Variants in DACH1 observed in about 807,000 individuals in gnomAD.
DACH1 encodes dachshund homolog 1.
Under a neutral mutation model 54.2 loss-of-function variants are expected in DACH1, and 12 were observed. The observed-to-expected ratio is 0.22, with a 90% CI of 0.14 to 0.36. The LOEUF is 0.36. DACH1 is among the 10% of genes least tolerant of loss of function. The pLI, the probability that DACH1 is intolerant of heterozygous loss-of-function variation, is 1.00. For missense variants in DACH1, 805 were observed against 929.8 expected, an observed-to-expected ratio of 0.87 and a Z score of 1.75; for synonymous variants, 386 against 366.2, an observed-to-expected ratio of 1.05 and a Z score of -0.62.
At chr13:71,865,578 C>CGGGGCAG (rs1450293133) in intron 1 of DACH1, among the ~76,000 whole-genome samples, 1 of 152,154 alleles carries the variant, frequency 6.6e-6, no homozygotes, top group East Asian at 1.9e-4. Flanking sequence ...CCCGCGCGCC[C>CGGGGCAG]GGGGCAGGGG....
At chr13:71,518,259 A>G (rs2138273863) in intron 6 of DACH1, among the ~76,000 whole-genome samples, 2 of 151,920 alleles carry the variant, frequency 1.3e-5, no homozygotes, top group East Asian at 2.0e-4. Context: ...AGGAAAAGGC[A>G]TCATGGAGGT....
chr13:71,737,208 A>C (rs1413950999), intron 1 of DACH1, among the ~76,000 whole-genome samples: 1 of 152,030 alleles, frequency 6.6e-6, no homozygotes, highest in African/African-American at 2.4e-5. Context: ...GGGCGACAGA[A>C]CAAGACTCCG....
chr13:71,645,658 G>A (rs373012069), intron 2 of DACH1, among the ~76,000 whole-genome samples: 2 of 152,244 alleles, frequency 1.3e-5, no homozygotes, highest in South Asian at 2.1e-4. Flanking sequence ...CAGTAACTCC[G>A]ACTAGTGTTT....
At chr13:71,581,862 C>G (rs1872877577) in intron 3 of DACH1, among the ~76,000 whole-genome samples, 1 of 151,500 alleles carries the variant, frequency 6.6e-6, no homozygotes, top group African/African-American at 2.4e-5. Context: ...TTTTTATCAC[C>G]CATATAAAGA....
At chr13:71,857,580 T>C (rs1874084541) in intron 1 of DACH1, among the ~76,000 whole-genome samples, 1 of 151,694 alleles carries the variant, frequency 6.6e-6, no homozygotes, top group African/African-American at 2.4e-5. Flanking sequence ...CTAATACATA[T>C]AAAAAATATC....
chr13:71,866,470 ACCGCCG>A lies in DACH1; in HGVS notation c.294_299del (p.Gly100_Gly101del). On this transcript the variant is annotated inframe_deletion, in exon 1 of 11. Transcript: ENST00000613252. ...CCAGGTTGGGGTTGCAGTTGCTGCCACCGCCGCCGCCGCCACCGCCGCCTCCGTTGC... is the reference window on the plus strand; with the variant it reads ...CCAGGTTGGGGTTGCAGTTGCTGCCACCGCCGCCACCGCCGCCTCCGTTGC... The A allele has an allele frequency of 8.0e-7, 1 of 1,256,882 alleles. No homozygotes were observed. Among genetic ancestry groups the A allele is most frequent in the East Asian group, 3.3e-5 (1 of 30,356 alleles). The allele number at this position is 1,256,882 out of a possible 1,614,324, so 77.9% of individuals were successfully genotyped here. A position where few individuals can be genotyped will look rare whatever the true frequency, so the allele number is the denominator to read the frequency against.
intron 1 of DACH1, among the ~76,000 whole-genome samples, chr13:71,841,417 T>C (rs1872835295): frequency 1.3e-5 from 2 of 152,168 alleles, no homozygotes; most frequent in Admixed American, 1.3e-4. Flanking sequence ...TATTTTCTAA[T>C]AAGGAATAAA....
rs555578536 is a variant in DACH1 at position 71,589,077 on chromosome 13, C to A, written c.1127-16065G>T. On this transcript the variant is annotated intron_variant, in intron 3 of 10. Transcript: ENST00000613252. ...GAAGGCTGCCTTCTCTGCACTCATACGAACCACTAACTGGTTATGACAATT... is the reference window on the plus strand; with the variant it reads ...GAAGGCTGCCTTCTCTGCACTCATAAGAACCACTAACTGGTTATGACAATT... Among the ~76,000 whole-genome samples, 82 of 152,054 alleles carry A rather than the reference C, an allele frequency of 5.4e-4. 1 individual carries two copies. In the South Asian group the frequency reaches 0.017, roughly 31 times the overall value.
intron 2 of DACH1, among the ~76,000 whole-genome samples, chr13:71,676,927 A>G (rs977999186): frequency 1.3e-5 from 2 of 152,230 alleles, no homozygotes; most frequent in Non-Finnish European, 2.9e-5. Context: ...AAAACTACAA[A>G]TCATTCATTC....
intron 6 of DACH1, among the ~76,000 whole-genome samples, chr13:71,532,068 G>A (rs1268945844): frequency 6.6e-6 from 1 of 151,834 alleles, no homozygotes; most frequent in African/African-American, 2.4e-5. Flanking sequence ...CAGAATATAA[G>A]CTAATGATAT....
intron 1 of DACH1, among the ~76,000 whole-genome samples, chr13:71,823,870 T>C (rs1393673202): frequency 3.3e-5 from 5 of 152,018 alleles, no homozygotes; most frequent in African/African-American, 4.8e-5. Context: ...TGCATAATTA[T>C]TGAAATACAC....
intron 1 of DACH1, among the ~76,000 whole-genome samples, chr13:71,708,126 A>T (rs1038600542): frequency 1.3e-5 from 2 of 152,010 alleles, no homozygotes; most frequent in Non-Finnish European, 2.9e-5. Flanking sequence ...ATGAAAAAAA[A>T]AAAAAGTAAA....
intron 1 of DACH1, among the ~76,000 whole-genome samples, chr13:71,848,450 A>C (rs1197450039): frequency 6.6e-6 from 1 of 152,222 alleles, no homozygotes; most frequent in Non-Finnish European, 1.5e-5. Context: ...TGTGATAGCA[A>C]GAACAAAAAT....
Position 71,461,617 on chromosome 13 carries a change from T to C in DACH1, c.2083+13524A>G, listed in dbSNP as rs540802293. ...TTGGCTGGCACTCATTACTATCTAT[T>C]GGGTTTAGAAGAGGAAAGTGCTTTC... On this transcript the variant is annotated intron_variant, in intron 10 of 10. Coordinates refer to ENST00000613252, the MANE Select transcript of DACH1 (RefSeq NM_080759.6). 1.1e-4 allele frequency among the ~76,000 whole-genome samples: 17 copies of C among 152,064 alleles called. No homozygotes were observed. The East Asian group carries it at 3.3e-3, about 29-fold the overall frequency.
chr13:71,632,323 TC>T (rs1407372691), intron 2 of DACH1, among the ~76,000 whole-genome samples: 1 of 151,856 alleles, frequency 6.6e-6, no homozygotes, highest in Admixed American at 6.6e-5. Flanking sequence ...ACATCCCTCA[TC>T]TGCAAAATGA....
intron 1 of DACH1, among the ~76,000 whole-genome samples, chr13:71,703,551 G>T (rs1330480575): frequency 6.6e-6 from 1 of 152,234 alleles, no homozygotes; most frequent in East Asian, 1.9e-4. Flanking sequence ...GACTGCACAA[G>T]ATGCGTCATA....
At chr13:71,773,406 G>T (rs1313979230) in intron 1 of DACH1, among the ~76,000 whole-genome samples, 1 of 151,852 alleles carries the variant, frequency 6.6e-6, no homozygotes, top group African/African-American at 2.4e-5. Context: ...ATTGTCTTTA[G>T]ATATAAATAT....
At chr13:71,575,938 G>A (rs1451507276) in intron 3 of DACH1, among the ~76,000 whole-genome samples, 2 of 151,980 alleles carry the variant, frequency 1.3e-5, no homozygotes, top group African/African-American at 2.4e-5. Context: ...TCCTCTATTA[G>A]CATGAATAAA....
At chr13:71,649,895 C>T (rs1249113827) in intron 2 of DACH1, among the ~76,000 whole-genome samples, 1 of 152,150 alleles carries the variant, frequency 6.6e-6, no homozygotes, top group Non-Finnish European at 1.5e-5. Context: ...TTATCCAGTG[C>T]AGACATAAGA....
Sources: gnomAD v4.1 joint callset for allele counts (sites outside exome capture counted in the v4.1 genomes callset) on GRCh38, gnomAD v4.1.1 for gene constraint, MANE v1.5 for transcripts, NCBI Gene and HGNC (gene_info 2026-07-23, HGNC 2026-07-21) for gene names.